The following ADAM2 variants were observed in gnomAD, a reference collection of about 807,000 sequenced individuals.
ADAM2 encodes the protein ADAM metallopeptidase domain 2.
A neutral mutation model predicts 99.3 loss-of-function variants in ADAM2; 101 were observed. That is an observed-to-expected ratio of 1.02 (90% CI 0.87 to 1.20). The LOEUF (loss-of-function observed/expected upper bound fraction) is 1.20. ADAM2 is among the 50% of genes most tolerant of loss of function. The probability of loss-of-function intolerance (pLI) is 0.00; values close to 1 mark genes in which losing one functional copy is unlikely to be tolerated. For missense variants in ADAM2, 948 were observed against 878.7 expected, an observed-to-expected ratio of 1.08 and a Z score of -1.00; for synonymous variants, 323 against 287.6, an observed-to-expected ratio of 1.12 and a Z score of -1.25.
At chr8:39,792,316 A>G (rs1292091525) in intron 7 of ADAM2, among the ~76,000 whole-genome samples, 1 of 152,090 alleles carries the variant, frequency 6.6e-6, no homozygotes, top group East Asian at 1.9e-4. Context: ...AAAATCATCC[A>G]TCTAAGAGGT....
intron 10 of ADAM2, among the ~76,000 whole-genome samples, chr8:39,782,616 T>G (rs973206210): frequency 3.3e-5 from 5 of 152,128 alleles, no homozygotes; most frequent in African/African-American, 1.2e-4. Flanking sequence ...TTGAGAAAAT[T>G]TATTATTCAT....
rs1332314070 is a variant in ADAM2, at chr8:39,760,203, ATAGT to A, written c.1613+969_1613+972del. Reference sequence around the variant, plus strand: ...ATTTACAAAATAATAGTAACAGATAATAGTTAGCACTCATATAGTACATACTATG... The same window carrying A: ...ATTTACAAAATAATAGTAACAGATAATAGCACTCATATAGTACATACTATG... On this transcript the variant is annotated intron_variant, in intron 15 of 20. Coordinates refer to ENST00000265708, the MANE Select transcript of ADAM2 (RefSeq NM_001464.5). Among the ~76,000 whole-genome samples the A allele has an allele frequency of 1.2e-4, 18 of 152,298 alleles. No homozygotes were observed. In the South Asian group the frequency reaches 1.5e-3, roughly 12 times the overall value.
chr8:39,803,023 T>C (rs1452102856), intron 7 of ADAM2, among the ~76,000 whole-genome samples: 2 of 152,158 alleles, frequency 1.3e-5, no homozygotes. Flanking sequence ...TAATGCTTGC[T>C]TGCAGCTATC....
intron 6 of ADAM2, among the ~76,000 whole-genome samples, chr8:39,812,836 T>C (rs1470428520): frequency 6.6e-6 from 1 of 152,050 alleles, no homozygotes; most frequent in African/African-American, 2.4e-5. Flanking sequence ...ACCTAGGCAA[T>C]ACCATTCAGG....
At chr8:39,768,741 T>A (rs1415078612) in intron 12 of ADAM2, among the ~76,000 whole-genome samples, 1 of 152,142 alleles carries the variant, frequency 6.6e-6, no homozygotes, top group Non-Finnish European at 1.5e-5. Context: ...TGAACCTACA[T>A]CAACTCAGCT....
intron 16 of ADAM2, among the ~76,000 whole-genome samples, chr8:39,750,894 A>ATTTGTATG (rs1223072357): frequency 6.6e-6 from 1 of 152,204 alleles, no homozygotes. Context: ...CAAATACTCA[A>ATTTGTATG]AGCGACTAAT....
intron 7 of ADAM2, 57 bp downstream of exon 7, chr8:39,809,353 T>C: frequency 1.3e-6 from 1 of 745,968 alleles, no homozygotes; most frequent in Non-Finnish European, 2.3e-6. Flanking sequence ...TCCAAATTAT[T>C]ATTACAATCC....
At position 39,830,782 on chromosome 8, in the gene ADAM2, A is replaced by G. The variant is rs950451146; in HGVS notation, c.188+3162T>C. ...CAAGTTGCTAATAGAAACGAAAAAAAAAATCAATACCTGCTTCTGTCATGT... is the reference window on the plus strand; with the variant it reads ...CAAGTTGCTAATAGAAACGAAAAAAGAAATCAATACCTGCTTCTGTCATGT... On this transcript the variant is annotated intron_variant, in intron 3 of 20. Coordinates refer to ENST00000265708, the MANE Select transcript of ADAM2 (RefSeq NM_001464.5). 8.5e-5 allele frequency among the ~76,000 whole-genome samples: 13 copies of G among 152,344 alleles called. No individual in the cohort carries two copies. The South Asian group carries it at 1.9e-3, about 22-fold the overall frequency.
At chr8:39,827,304 C>T (rs1350950962) in intron 3 of ADAM2, among the ~76,000 whole-genome samples, 3 of 152,050 alleles carry the variant, frequency 2.0e-5, no homozygotes, top group East Asian at 3.9e-4. Flanking sequence ...ATTAGTACAA[C>T]CATTATGGAA....
chr8:39,804,076 G>C (rs935282826), intron 7 of ADAM2, among the ~76,000 whole-genome samples: 16 of 152,298 alleles, frequency 1.1e-4, no homozygotes, highest in African/African-American at 3.1e-4. Flanking sequence ...CTAAGTGTTT[G>C]AGCAAGTGAC....
chr8:39,781,866 G>A (rs1803245748), intron 10 of ADAM2, among the ~76,000 whole-genome samples: 1 of 152,098 alleles, frequency 6.6e-6, no homozygotes, highest in Non-Finnish European at 1.5e-5. Flanking sequence ...TTGGTGGAAG[G>A]ACATACAAAA....
intron 10 of ADAM2, 59 bp from the exon 11 acceptor site, chr8:39,777,220 A>T (rs1034975855): frequency 1.5e-5 from 20 of 1,365,068 alleles, no homozygotes; most frequent in Non-Finnish European, 1.9e-5. Flanking sequence ...CTGGGAGAAC[A>T]ATGCAATTAT....
intron 14 of ADAM2, among the ~76,000 whole-genome samples, chr8:39,766,319 T>G (rs1353564872): frequency 6.6e-6 from 1 of 152,182 alleles, no homozygotes; most frequent in Non-Finnish European, 1.5e-5. Context: ...AGAAGTCCCA[T>G]AGACTTTGAA....
chr8:39,750,642 A>G (rs926737824), intron 16 of ADAM2, among the ~76,000 whole-genome samples: 1 of 152,144 alleles, frequency 6.6e-6, no homozygotes, highest in Non-Finnish European at 1.5e-5. Context: ...AAACCAGTAG[A>G]TGTATTTGAG....
chr8:39,835,834 C>T (rs1340834911), intron 2 of ADAM2, among the ~76,000 whole-genome samples: 3 of 151,904 alleles, frequency 2.0e-5, no homozygotes, highest in African/African-American at 7.3e-5. Context: ...TTTAAAAATA[C>T]TGTTAATTCA....
intron 19 of ADAM2, among the ~76,000 whole-genome samples, chr8:39,746,265 G>A (rs1164777102): frequency 1.3e-5 from 2 of 152,058 alleles, no homozygotes; most frequent in Admixed American, 6.6e-5. Flanking sequence ...GGCTTTAAGT[G>A]ATCCACTCGC....
At chr8:39,812,264 C>G (rs572228947) in intron 6 of ADAM2, among the ~76,000 whole-genome samples, 93 of 151,672 alleles carry the variant, frequency 6.1e-4, no homozygotes, top group Non-Finnish European at 1.2e-3. Flanking sequence ...CACTGCTCAA[C>G]GAAATAAAAG....
At chr8:39,780,760 AAAT>A (rs1400721352) in intron 10 of ADAM2, among the ~76,000 whole-genome samples, 3 of 152,140 alleles carry the variant, frequency 2.0e-5, no homozygotes, top group Non-Finnish European at 4.4e-5. Flanking sequence ...ATTTTTATTT[AAAT>A]AATATTTTGC....
intron 7 of ADAM2, among the ~76,000 whole-genome samples, chr8:39,806,122 A>G (rs1804426580): frequency 6.6e-6 from 1 of 152,212 alleles, no homozygotes; most frequent in Admixed American, 6.5e-5. Context: ...ACTTTTTCCA[A>G]CACAAAGGTA....
Sources: gnomAD v4.1 joint callset for allele counts (sites outside exome capture counted in the v4.1 genomes callset) on GRCh38, gnomAD v4.1.1 for gene constraint, MANE v1.5 for transcripts, NCBI Gene and HGNC (gene_info 2026-07-23, HGNC 2026-07-21) for gene names.